NUMA1: variants seen among roughly 807,000 people sequenced by gnomAD.
NUMA1 encodes nuclear mitotic apparatus protein 1.
NUMA1 carries 62 observed loss-of-function variants against 237.1 expected under a neutral mutation model. The ratio of observed to expected loss-of-function variants is 0.26; its 90% CI spans 0.21 to 0.32. The LOEUF (loss-of-function observed/expected upper bound fraction) is 0.32, where lower values mean the gene tolerates loss of function less well. Ranked by LOEUF, NUMA1 falls within the 10% of genes least tolerant of loss-of-function variation. The probability of loss-of-function intolerance (pLI) is 1.00; values close to 1 mark genes in which losing one functional copy is unlikely to be tolerated. For synonymous variants in NUMA1, 1,028 were observed against 1,066.1 expected, an observed-to-expected ratio of 0.96 and a Z score of 0.70; for missense variants, 2,533 against 2,666.5, an observed-to-expected ratio of 0.95 and a Z score of 1.10.
At chr11:72,031,272 T>C (rs938466940) in intron 3 of NUMA1, among the ~76,000 whole-genome samples, 1 of 151,062 alleles carries the variant, frequency 6.6e-6, no homozygotes, top group Non-Finnish European at 1.5e-5. Flanking sequence ...CCCTGCACTG[T>C]GGCCTGGGCA....
At position 72,007,116 on chromosome 11, in the gene NUMA1, G is replaced by A. The variant is rs1001584822; in HGVS notation, c.5463+73C>T. ...CTCATCCCTCCCTGCTCCTGACTGA[G>A]TGCCCAGTGCAAAGATGCCCTTGAG... On this transcript the variant is annotated intron_variant, in intron 21 of 26. Transcript: ENST00000393695. The A allele has an allele frequency of 9.0e-6, 14 of 1,553,992 alleles. No homozygotes were observed. The Middle Eastern group carries it at 1.1e-3, about 126-fold the overall frequency.
In NUMA1 at chr11:72,008,983, C is replaced by T. The variant is rs867838170; in HGVS notation, c.5042G>A (p.Arg1681His). Residue 1681 changes from arginine (R) to histidine (H), a missense_variant, in exon 19 of 27, where the codon CGC becomes CAC. This residue lies in a region of NUMA1 where 795 missense variants were observed against 750.8 expected (regional missense o/e 1.06). Coordinates refer to ENST00000393695, the MANE Select transcript of NUMA1 (RefSeq NM_006185.4). ...QTCRHLTAQV[R>H]SLEAQVAHAD... ...AATTCTTACCTGTGCCTCCAGGCTG[C>T]GCACCTGGGCAGTAAGGTGGCGGCA... The T allele has an allele frequency of 6.8e-6, 11 of 1,613,956 alleles. No homozygotes were observed. Among genetic ancestry groups the T allele is most frequent in the Admixed American group, 3.3e-5 (2 of 60,030 alleles).
At chr11:72,016,919 C>T in intron 13 of NUMA1, 1 of 194,576 alleles carries the variant, frequency 5.1e-6, no homozygotes, top group Non-Finnish European at 1.1e-5. Context: ...CCCAAACCCA[C>T]TTCTTCACCA....
intron 2 of NUMA1, among the ~76,000 whole-genome samples, chr11:72,058,129 C>G (rs550939483): frequency 1.8e-4 from 27 of 152,222 alleles, no homozygotes; most frequent in African/African-American, 6.5e-4. Flanking sequence ...AACTTCATTT[C>G]TTGCTTATAC....
In NUMA1 at chr11:72,014,008, C is replaced by G. The variant is rs1956325256; in HGVS notation, c.3495G>C (p.Glu1165Asp). 1.9e-6 allele frequency: 3 copies of G among 1,612,172 alleles called. No homozygotes were observed. Among genetic ancestry groups the G allele is most frequent in the Non-Finnish European group, 2.5e-6 (3 of 1,180,010 alleles). Residue 1165 changes from glutamate (E) to aspartate (D), a missense_variant, in exon 15 of 27, where the codon GAG becomes GAC. This residue lies in a region of NUMA1 where 1,414 missense variants were observed against 1,508.1 expected (regional missense o/e 0.94). Transcript: ENST00000393695. The surrounding 1 kb of genome is among the most constrained non-coding windows in gnomAD (Gnocchi z 4.6). ...ASRAERDSAL[E>D]TLQGQLEEKA... ...TCTCCTCTAACTGGCCCTGCAGAGT[C>G]TCCAGAGCACTGTCCCGCTCAGCCC...
At chr11:72,030,247 A>G (rs1940115798) in intron 3 of NUMA1, among the ~76,000 whole-genome samples, 1 of 151,826 alleles carries the variant, frequency 6.6e-6, no homozygotes, top group Admixed American at 6.6e-5. Flanking sequence ...AGGTGGGAGG[A>G]TCACCTTAGC....
In NUMA1 at chr11:72,013,443, G is replaced by C. The variant is rs377750338; in HGVS notation, c.4060C>G (p.Gln1354Glu). The change falls in exon 15 of 27, where the codon CAG (glutamine) becomes GAG (glutamate). Residue 1354 changes from glutamine (Q) to glutamate (E), a missense_variant. Gln to Glu is a conservative substitution (Grantham distance 29). Coordinates refer to ENST00000393695, the MANE Select transcript of NUMA1 (RefSeq NM_006185.4). This position sits in a 1 kb window ranked among gnomAD's most constrained non-coding sequence, Gnocchi z 6.8. Reference protein sequence around the residue: ...STLQLEHTSTQALVSELLPAK... With the variant: ...STLQLEHTSTEALVSELLPAK... ...GGCAGCAGCTCACTCACCAGGGCCT[G>C]TGTGCTGGTGTGCTCGAGCTGCAGG... The C allele has an allele frequency of 4.0e-5, 64 of 1,613,184 alleles. No individual in the cohort carries two copies. Among genetic ancestry groups the C allele is most frequent in the Non-Finnish European group, 4.6e-5 (54 of 1,180,026 alleles).
At position 72,018,986 on chromosome 11, in the gene NUMA1, G is replaced by A; in HGVS notation, c.585-6C>T. The A allele has an allele frequency of 6.2e-7, 1 of 1,613,622 alleles. No homozygotes were observed. Among genetic ancestry groups the A allele is most frequent in the Non-Finnish European group, 8.5e-7 (1 of 1,179,978 alleles). ...CTGGAGAACCTGAGAGAAAGCTGAG[G>A]AGGGAGAAGGCCCATATGCATTGGT... On this transcript the variant is annotated splice_polypyrimidine_tract_variant and splice_region_variant and intron_variant, in intron 9 of 26. Transcript: ENST00000393695.
chr11:72,028,771 T>G (rs751669349), intron 4 of NUMA1, among the ~76,000 whole-genome samples: 1 of 152,222 alleles, frequency 6.6e-6, no homozygotes, highest in East Asian at 1.9e-4. Context: ...GATTTCTAGG[T>G]GTTTCTTCTT....
intron 2 of NUMA1, among the ~76,000 whole-genome samples, chr11:72,057,858 G>T (rs3018311): frequency 0.89 from 134,095 of 151,382 alleles, 59,681 homozygotes; most frequent in Non-Finnish European, 0.95. Context: ...TCGCCTGAGG[G>T]CAGGAGTTTG....
intron 2 of NUMA1, among the ~76,000 whole-genome samples, chr11:72,046,276 G>A (rs1941991957): frequency 6.6e-6 from 1 of 152,242 alleles, no homozygotes; most frequent in Admixed American, 6.5e-5. Flanking sequence ...CGGGCACGGT[G>A]GCTCACGCCT....
chr11:72,007,767 A>T, intron 20 of NUMA1: 8 of 392,530 alleles, frequency 2.0e-5, no homozygotes, highest in South Asian at 1.9e-4. Context: ...ATTTCAGTGA[A>T]TAGGAACGCC....
rs1168693429 is a variant in NUMA1 at position 72,006,283 on chromosome 11, TGTTGCAGTGTACA to T, written c.5464-33_5464-21del. 5.6e-6 allele frequency: 9 copies of T among 1,608,034 alleles called. No individual in the cohort carries two copies. Among genetic ancestry groups the T allele is most frequent in the Non-Finnish European group, 7.7e-6 (9 of 1,174,888 alleles). ...TAGCTTCTGGAAGACAGAGTGAATC[TGTTGCAGTGTACA>T]GTCCCTGGCACTGTACAGAAGCTTC... On this transcript the variant is annotated intron_variant, in intron 21 of 26. Coordinates refer to ENST00000393695, the MANE Select transcript of NUMA1 (RefSeq NM_006185.4).
chr11:72,070,988 C>T (rs186404874), intron 1 of NUMA1, among the ~76,000 whole-genome samples: 47 of 138,446 alleles, frequency 3.4e-4, no homozygotes, highest in Admixed American at 2.8e-3. Context: ...AGTCTCTAGA[C>T]CTGTCTGATG....
rs556436417 is a variant in NUMA1, at chr11:72,016,041, C to G, written c.1462G>C (p.Ala488Pro). ...LSQAKEELEQASQAHGARLTA... is the reference protein window; with the variant it reads ...LSQAKEELEQPSQAHGARLTA... ...AACCGGGCCCCATGAGCCTGGGAGG[C>G]CTGCTCCAGCTCTTCCTTGGCCTGG... The change falls in exon 15 of 27, where the codon GCC becomes CCC. Residue 488 changes from alanine (A) to proline (P), a missense_variant. Physicochemically the swap from Ala to Pro is conservative, Grantham distance 27. Around this residue, in one of 3 missense-constraint regions of NUMA1, gnomAD observed 1,414 missense variants for 1,508.1 expected, o/e 0.94. Coordinates refer to ENST00000393695, the MANE Select transcript of NUMA1 (RefSeq NM_006185.4). The G allele has an allele frequency of 2.5e-6, 4 of 1,614,106 alleles. 1 individual carries two copies. The Admixed American group carries it at 5.0e-5, about 20-fold the overall frequency.
intron 5 of NUMA1, chr11:72,023,950 T>C (rs572689479): frequency 6.9e-6 from 2 of 287,786 alleles, no homozygotes; most frequent in African/African-American, 4.4e-5. Flanking sequence ...ACTCATTCTC[T>C]CTTCTGTCTC....
At chr11:72,012,527 G>A in intron 15 of NUMA1, 85 bp from the exon 16 acceptor site, 2 of 1,280,032 alleles carry the variant, frequency 1.6e-6, no homozygotes, top group African/African-American at 1.5e-5. Flanking sequence ...CCTCACTGAG[G>A]CTCTGATACT....
chr11:72,010,732 G>A, intron 17 of NUMA1, 54 bp downstream of exon 17: 1 of 1,569,486 alleles, frequency 6.4e-7, no homozygotes, highest in South Asian at 1.1e-5. Context: ...AGAGCTTAGA[G>A]AATAGCTTCC....
intron 4 of NUMA1, 133 bp from the exon 5 acceptor site, chr11:72,024,486 T>C (rs555293499): frequency 3.9e-6 from 3 of 770,278 alleles, no homozygotes; most frequent in South Asian, 3.1e-5. Flanking sequence ...GATCAGATCC[T>C]GGAGGCAGGT....
Sources: allele counts gnomAD v4.1 joint callset (sites outside exome capture counted in the v4.1 genomes callset), GRCh38; gene constraint gnomAD v4.1.1; regional missense constraint gnomAD v4.1.1; non-coding constraint Gnocchi (gnomAD v3.1); transcripts MANE v1.5; gene names NCBI Gene and HGNC (gene_info 2026-07-23, HGNC 2026-07-21).